The following MAP6 variants were observed in gnomAD, a reference collection of about 807,000 sequenced individuals.
MAP6 encodes microtubule associated protein 6, also known as microtubule-associated protein 6.
In MAP6, 26 loss-of-function variants were observed where a neutral mutation model predicts 42.4. The observed-to-expected ratio is 0.61, with a 90% CI of 0.45 to 0.85. The LOEUF is 0.85. MAP6 is among the 40% of genes least tolerant of loss of function. The pLI is 0.00. For missense variants in MAP6, 966 were observed against 1,099.0 expected (o/e 0.88, Z 1.71); for synonymous variants, 418 against 443.8 (o/e 0.94, Z 0.73).
At chr11:75,635,890 A>G (rs975897327) in intron 1 of MAP6, 2 of 152,262 alleles carry the variant, frequency 1.3e-5, no homozygotes, top group African/African-American at 4.8e-5. Flanking sequence ...GAAAGGCTAC[A>G]GTTGTTTTAT....
At position 75,587,268 on chromosome 11, in the gene MAP6, G is replaced by A; in HGVS notation, c.2233C>T (p.Pro745Ser). 2 of 1,614,128 alleles carry A rather than the reference G, an allele frequency of 1.2e-6. No homozygotes were observed. Among genetic ancestry groups the A allele is most frequent in the Non-Finnish European group, 1.7e-6 (2 of 1,180,012 alleles). Residue 745 changes from proline to serine, a missense_variant, in exon 4 of 4, where the codon CCT becomes TCT. Pro to Ser is a moderately conservative substitution (Grantham distance 74, BLOSUM62 -1). This residue lies in a region of MAP6 where 943 missense variants were observed against 1,049.9 expected (regional missense o/e 0.90). Transcript: ENST00000304771. ...ACTATAGGAACTTGATTCTTCAGAG[G>A]TTCAGGGACTATACGACCTTGATTC... is the stretch of plus-strand genomic sequence containing the variant. ...PKNQGRIVPEPLKNQVPIVPV... is the reference protein window; with the variant it reads ...PKNQGRIVPESLKNQVPIVPV...
Position 75,587,425 on chromosome 11 carries a change from C to A in MAP6, c.2076G>T (p.Lys692Asn). The A allele has an allele frequency of 1.2e-6, 2 of 1,614,158 alleles. No individual in the cohort carries two copies. The highest frequency in any genetic ancestry group is 1.7e-6 in the Non-Finnish European group (2 of 1,180,018). Reference sequence around the variant, plus strand: ...GTGCCACAACTGCAGAATCGTGAACCTTTGCATGCTCTGGGACTACAACAT... The same window carrying A: ...GTGCCACAACTGCAGAATCGTGAACATTTGCATGCTCTGGGACTACAACAT... ...DQDVVVPEHA[K>N]VHDSAVVAPV... Residue 692 changes from lysine (K) to asparagine (N), a missense_variant, in exon 4 of 4, where the codon AAG becomes AAT. This residue lies in a region of MAP6 where 943 missense variants were observed against 1,049.9 expected (regional missense o/e 0.90). Coordinates refer to ENST00000304771, the MANE Select transcript of MAP6 (RefSeq NM_033063.2).
chr11:75,593,634 G>A (rs899249779), intron 3 of MAP6, among the ~76,000 whole-genome samples: 1 of 152,174 alleles, frequency 6.6e-6, no homozygotes, highest in African/African-American at 2.4e-5. Context: ...AATGCTCCTG[G>A]CATAGGGCAT....
chr11:75,652,131 A>C (rs558226842), intron 1 of MAP6, among the ~76,000 whole-genome samples: 1 of 152,334 alleles, frequency 6.6e-6, no homozygotes, highest in East Asian at 1.9e-4. Context: ...TTTAGCAATA[A>C]AATTTTGGTG....
At chr11:75,593,023 C>G (rs896084219) in intron 3 of MAP6, among the ~76,000 whole-genome samples, 9 of 152,254 alleles carry the variant, frequency 5.9e-5, no homozygotes, top group South Asian at 2.1e-4. Context: ...GAAGCACTGC[C>G]CTGGGAAGGC....
At chr11:75,648,718 C>T (rs547998171) in intron 1 of MAP6, among the ~76,000 whole-genome samples, 9 of 152,112 alleles carry the variant, frequency 5.9e-5, no homozygotes, top group African/African-American at 2.2e-4. Context: ...GATTAGTAAT[C>T]AGAATCAATG....
chr11:75,657,905 A>G (rs1184284205), intron 1 of MAP6, among the ~76,000 whole-genome samples: 2 of 152,182 alleles, frequency 1.3e-5, no homozygotes, highest in Non-Finnish European at 2.9e-5. Flanking sequence ...CCCCATTCCA[A>G]GGCCCATAAC....
At chr11:75,657,301 G>T (rs915857515) in intron 1 of MAP6, among the ~76,000 whole-genome samples, 1 of 151,908 alleles carries the variant, frequency 6.6e-6, no homozygotes, top group South Asian at 2.1e-4. Context: ...TAGTAGAGAC[G>T]GGGGTTTCAC....
At chr11:75,637,816 G>A (rs1369957930) in intron 1 of MAP6, among the ~76,000 whole-genome samples, 1 of 147,002 alleles carries the variant, frequency 6.8e-6, no homozygotes, top group Non-Finnish European at 1.5e-5. Context: ...AGAGAGGGAG[G>A]GAGGGAGGGA....
chr11:75,617,240 G>C (rs146606795), intron 1 of MAP6, among the ~76,000 whole-genome samples: 27 of 152,184 alleles, frequency 1.8e-4, no homozygotes, highest in African/African-American at 6.0e-4. Context: ...AACTAGGCTG[G>C]GCACCGTGGC....
chr11:75,667,875 C>G lies in MAP6; in HGVS notation c.495G>C (p.Leu165=). The G allele has an allele frequency of 6.9e-7, 1 of 1,446,126 alleles. No homozygotes were observed. The highest frequency in any genetic ancestry group is 9.1e-7 in the Non-Finnish European group (1 of 1,096,788). 89.6% of individuals were successfully genotyped at this position (1,446,126 alleles called of 1,614,324 possible). The change falls in exon 1 of 4, where the codon CTG becomes CTC. Residue 165 remains leucine, a synonymous_variant. Coordinates refer to ENST00000304771, the MANE Select transcript of MAP6 (RefSeq NM_033063.2). This position sits in a 1 kb window ranked among gnomAD's most constrained non-coding sequence, Gnocchi z 5.6. ...QYQKDFRAWP[L]PRRGDHPWIP... Reference sequence around the variant, plus strand: ...TCCACGGGTGGTCCCCGCGGCGCGGCAGCGGCCAGGCGCGGAAGTCCTTCT... The same window carrying G: ...TCCACGGGTGGTCCCCGCGGCGCGGGAGCGGCCAGGCGCGGAAGTCCTTCT...
chr11:75,622,338 G>A (rs1044331006), intron 1 of MAP6, among the ~76,000 whole-genome samples: 3 of 152,044 alleles, frequency 2.0e-5, no homozygotes, highest in African/African-American at 7.2e-5. Flanking sequence ...TCAAACTCCT[G>A]GGCTCAAGCA....
At chr11:75,633,656 C>G (rs1008333481) in intron 1 of MAP6, among the ~76,000 whole-genome samples, 7 of 152,160 alleles carry the variant, frequency 4.6e-5, no homozygotes, top group Non-Finnish European at 1.0e-4. Context: ...CTAGGGTCAA[C>G]AACAGCCTCT....
intron 1 of MAP6, among the ~76,000 whole-genome samples, chr11:75,640,863 G>A (rs1590795324): frequency 6.6e-6 from 1 of 152,140 alleles, no homozygotes; most frequent in East Asian, 1.9e-4. Flanking sequence ...TGGAGAAATA[G>A]GAACACTTTT....
At chr11:75,658,077 G>C (rs1322286878) in intron 1 of MAP6, among the ~76,000 whole-genome samples, 1 of 152,114 alleles carries the variant, frequency 6.6e-6, no homozygotes, top group Non-Finnish European at 1.5e-5. Flanking sequence ...GTATCCTACT[G>C]TTGATGGACA....
At chr11:75,602,599 C>T (rs1942682720) in intron 3 of MAP6, among the ~76,000 whole-genome samples, 1 of 152,226 alleles carries the variant, frequency 6.6e-6, no homozygotes, top group Non-Finnish European at 1.5e-5. Context: ...GGCGGTCGCT[C>T]TTCCCGGCAA....
intron 1 of MAP6, 47 bp from the exon 2 acceptor site, chr11:75,608,369 G>A: frequency 6.8e-7 from 1 of 1,474,226 alleles, no homozygotes; most frequent in Non-Finnish European, 9.5e-7. Flanking sequence ...CATCTGCCTG[G>A]AAGCAGAGCT....
At chr11:75,658,222 A>C (rs941383739) in intron 1 of MAP6, among the ~76,000 whole-genome samples, 4 of 152,220 alleles carry the variant, frequency 2.6e-5, no homozygotes, top group African/African-American at 9.7e-5. Context: ...GTTTAGCTTG[A>C]ATAGATAATG....
intron 3 of MAP6, among the ~76,000 whole-genome samples, chr11:75,594,949 C>T (rs1480972749): frequency 6.6e-6 from 1 of 152,222 alleles, no homozygotes; most frequent in African/African-American, 2.4e-5. Flanking sequence ...TCTCTTCAAA[C>T]CAGAGAGGCT....
Sources: allele counts gnomAD v4.1 joint callset (sites outside exome capture counted in the v4.1 genomes callset), GRCh38; gene constraint gnomAD v4.1.1; regional missense constraint gnomAD v4.1.1; non-coding constraint Gnocchi (gnomAD v3.1); transcripts MANE v1.5; gene names NCBI Gene and HGNC (gene_info 2026-07-23, HGNC 2026-07-21).